Variants in NBPF19 observed in about 807,000 individuals in gnomAD.
NBPF19 encodes NBPF member 19, also known as NBPF family member NBPF19.
A neutral mutation model predicts 45.9 loss-of-function variants in NBPF19; 30 were observed. The observed-to-expected ratio is 0.65, with a 90% CI of 0.49 to 0.89. The LOEUF is 0.89. NBPF19 is among the 40% of genes least tolerant of loss of function. NBPF19 has a pLI of 0.00. For missense variants in NBPF19, 495 were observed against 471.8 expected, an observed-to-expected ratio of 1.05 and a Z score of -0.46; for synonymous variants, 183 against 181.2, an observed-to-expected ratio of 1.01 and a Z score of -0.08.
rs1461688573 is a variant in NBPF19 at position 149,478,131 on chromosome 1, C to T, written c.278+84C>T. The stretch of plus-strand genomic sequence containing the variant: ...GCAGCTCGGCGGGGAGAAATAAGAA[C>T]GAAGCTGGGCCAGGGGAAGGGCAGA... On this transcript the variant is annotated intron_variant, in intron 3 of 93. Transcript: ENST00000651566. 138 of 823,674 alleles carry T rather than the reference C, an allele frequency of 1.7e-4. 3 individuals are homozygous for T. The highest frequency in any genetic ancestry group is 2.2e-4 in the East Asian group (9 of 41,220). 51.0% of individuals were successfully genotyped at this position (823,674 alleles called of 1,614,324 possible). A position where few individuals can be genotyped will look rare whatever the true frequency, so the allele number is the denominator to read the frequency against.
chr1:149,487,809 G>T (rs1280419005), intron 9 of NBPF19, among the ~76,000 whole-genome samples: 1 of 149,486 alleles, frequency 6.7e-6, no homozygotes, highest in African/African-American at 2.5e-5. Flanking sequence ...GTGTGTGTGT[G>T]TGTGTGTGTG....
rs1435347172 is a variant in NBPF19 at position 149,554,840 on chromosome 1, G to T, written c.*102G>T. On this transcript the variant is annotated 3_prime_UTR_variant, in exon 94 of 94. Coordinates refer to ENST00000651566, the MANE Select transcript of NBPF19 (RefSeq NM_001351365.2). ...AGTTCCATTTGGAAGCCCAGACATA[G>T]GATGGGTCAGTGGGCATGGCTCTTT... The T allele has an allele frequency of 6.3e-6, 10 of 1,576,798 alleles. 1 individual carries two copies. The highest frequency in any genetic ancestry group is 6.1e-6 in the Non-Finnish European group (7 of 1,155,328).
chr1:149,484,990 T>A (rs1394313775), intron 7 of NBPF19, among the ~76,000 whole-genome samples: 5 of 131,368 alleles, frequency 3.8e-5, no homozygotes, highest in African/African-American at 1.4e-4. Flanking sequence ...TCTTCTCGCT[T>A]CATTTCACTA....
chr1:149,554,895 C>G lies in NBPF19; in HGVS notation c.*157C>G. The G allele has an allele frequency of 7.2e-7, 1 of 1,382,390 alleles. No homozygotes were observed. Among genetic ancestry groups the G allele is most frequent in the African/African-American group, 1.4e-5 (1 of 69,624 alleles). The allele number at this position is 1,382,390 out of a possible 1,614,324, so 85.6% of individuals were successfully genotyped here. ...ATTCTCAAACCATGCCAGTGGCAAC[C>G]TGTGCTCAGTCTGAAGACAATGGAC... On this transcript the variant is annotated 3_prime_UTR_variant, in exon 94 of 94. Transcript: ENST00000651566.
intron 93 of NBPF19, 109 bp from the exon 94 acceptor site, chr1:149,554,386 T>C (rs2101731699): frequency 1.3e-6 from 2 of 1,599,136 alleles, no homozygotes; most frequent in South Asian, 1.1e-5. Flanking sequence ...TTAATGGATC[T>C]ATCCTTTTTC....
rs1280878637 is a variant in NBPF19, at chr1:149,487,451, C to G, written c.1040+68C>G. The G allele has an allele frequency of 3.4e-5, 32 of 931,468 alleles. 2 individuals are homozygous for G. Among genetic ancestry groups the G allele is most frequent in the South Asian group, 7.7e-5 (6 of 77,754 alleles). 57.7% of individuals were successfully genotyped at this position (931,468 alleles called of 1,614,324 possible). A position where few individuals can be genotyped will look rare whatever the true frequency, so the allele number is the denominator to read the frequency against. ...CTGGAGATGCCAAGTCCAGGGAAAA[C>G]AGTACATGCTGAAAATAATGATTTT... On this transcript the variant is annotated intron_variant, in intron 9 of 93. Transcript: ENST00000651566.
intron 3 of NBPF19, among the ~76,000 whole-genome samples, chr1:149,478,378 T>G (rs1380099142): frequency 6.6e-6 from 1 of 151,210 alleles, no homozygotes; most frequent in East Asian, 1.9e-4. Context: ...CACTTACCCT[T>G]AGTGAGAATC....
intron 61 of NBPF19, among the ~76,000 whole-genome samples, chr1:149,528,952 T>TGC (rs2086914614): frequency 7.7e-6 from 1 of 129,056 alleles, no homozygotes; most frequent in East Asian, 2.4e-4. Context: ...TCTCTGTGTG[T>TGC]GTGTGTGTGT....
chr1:149,486,481 C>T (rs1201773203), intron 8 of NBPF19, among the ~76,000 whole-genome samples, 188 bp downstream of exon 8: 21,587 of 150,310 alleles, frequency 0.14, 2,503 homozygotes, highest in South Asian at 0.23. Flanking sequence ...GGTCAGTGAG[C>T]TTTACTCTCT....
Position 149,478,067 on chromosome 1 carries a change from G to A in NBPF19, c.278+20G>A, listed in dbSNP as rs1455304437. 29 of 1,567,978 alleles carry A rather than the reference G, an allele frequency of 1.8e-5. No homozygotes were observed. Among genetic ancestry groups the A allele is most frequent in the African/African-American group, 4.1e-5 (3 of 74,004 alleles). Reference sequence around the variant, plus strand: ...GCTCAGGTGAGGGGACCCCGTGGGGGGAGGGCAGGCGGGTAGGTGTGTAGA... The same window carrying A: ...GCTCAGGTGAGGGGACCCCGTGGGGAGAGGGCAGGCGGGTAGGTGTGTAGA... On this transcript the variant is annotated intron_variant, in intron 3 of 93. Transcript: ENST00000651566.
chr1:149,554,733 C>T lies in NBPF19; in HGVS notation c.11527C>T (p.Gln3843Ter). Reference sequence around the variant, plus strand: ...GTTCCAGATGTTAGTCATATTCCCACAATAGGCAGCCCTTACTAAGCCGAG... The same window carrying T: ...GTTCCAGATGTTAGTCATATTCCCATAATAGGCAGCCCTTACTAAGCCGAG... ...LVFQMLVIFP[Q>*] The change falls in exon 94 of 94, where the codon CAA becomes TAA. Residue 3843 changes from glutamine to a stop codon, truncating the protein, a stop_gained. Coordinates refer to ENST00000651566, the MANE Select transcript of NBPF19 (RefSeq NM_001351365.2). LOFTEE classifies it high-confidence loss of function. The T allele has an allele frequency of 1.2e-6, 2 of 1,608,166 alleles. No individual in the cohort carries two copies. Among genetic ancestry groups the T allele is most frequent in the Non-Finnish European group, 1.7e-6 (2 of 1,176,642 alleles).
rs1169082016 is a variant in NBPF19 at position 149,486,125 on chromosome 1, A to C, written c.825-5A>C. On this transcript the variant is annotated splice_region_variant and splice_polypyrimidine_tract_variant and intron_variant, in intron 7 of 93. Transcript: ENST00000651566. ...CTATCATCCCTGTCCTGCCTGGCTC[A>C]TCAGGAATCTGCAGGAGTCTGAAGA... 2.5e-6 allele frequency: 1 copy of C among 404,502 alleles called. No homozygotes were observed. The highest frequency in any genetic ancestry group is 5.5e-5 in the Admixed American group (1 of 18,324). 25.1% of individuals were successfully genotyped at this position (404,502 alleles called of 1,614,324 possible).
Position 149,487,963 on chromosome 1 carries a change from T to G in NBPF19, c.1041-50T>G. 5 of 696,668 alleles carry G rather than the reference T, an allele frequency of 7.2e-6. 1 individual carries two copies. Among genetic ancestry groups the G allele is most frequent in the South Asian group, 6.2e-5 (4 of 64,868 alleles). The allele number at this position is 696,668 out of a possible 1,614,324, so 43.2% of individuals were successfully genotyped here. The stretch of plus-strand genomic sequence containing the variant: ...GCCATGAAATCTAGCTGGGGCTGTG[T>G]GGTTTCTGATTCCCCCTGGCTTATT... On this transcript the variant is annotated intron_variant, in intron 9 of 93. Coordinates refer to ENST00000651566, the MANE Select transcript of NBPF19 (RefSeq NM_001351365.2).
At chr1:149,487,879 T>G in intron 9 of NBPF19, 134 bp from the exon 10 acceptor site, 1 of 713,672 alleles carries the variant, frequency 1.4e-6, no homozygotes, top group East Asian at 2.7e-5. Context: ...ATAAAGGCAA[T>G]AATTTGTTAC....
Position 149,554,800 on chromosome 1 carries a change from T to G in NBPF19, c.*62T>G, listed in dbSNP as rs1190130593. ...GGCAGGACCTATAGGCACGTGAAGA[T>G]TTGAATGAAACTACAGTTCCATTTG... is the stretch of plus-strand genomic sequence containing the variant. On this transcript the variant is annotated 3_prime_UTR_variant, in exon 94 of 94. Coordinates refer to ENST00000651566, the MANE Select transcript of NBPF19 (RefSeq NM_001351365.2). 4.4e-6 allele frequency: 7 copies of G among 1,604,282 alleles called. No individual in the cohort carries two copies. The African/African-American group carries it at 5.4e-5, about 12-fold the overall frequency.
At position 149,488,468 on chromosome 1, in the gene NBPF19, G is replaced by C. The variant is rs1256460894; in HGVS notation, c.1213+283G>C. Among the ~76,000 whole-genome samples, 10 of 129,934 alleles carry C rather than the reference G, an allele frequency of 7.7e-5. 1 individual carries two copies. Among genetic ancestry groups the C allele is most frequent in the Non-Finnish European group, 1.6e-4 (10 of 61,426 alleles). 85.2% of individuals were successfully genotyped at this position (129,934 alleles called of 152,430 possible). ...AGATGTGACAAATTCACACAACTCT[G>C]ATTTTGTCTCAATTTTGTAGATCTT... On this transcript the variant is annotated intron_variant, in intron 10 of 93. Transcript: ENST00000651566.
chr1:149,487,555 T>G (rs2085628477), intron 9 of NBPF19, among the ~76,000 whole-genome samples, 172 bp downstream of exon 9: 1 of 151,112 alleles, frequency 6.6e-6, no homozygotes. Flanking sequence ...GGTTTCCATT[T>G]CTTCCTACCC....
At chr1:149,514,693 CTGTG>C (rs1224656992) in intron 43 of NBPF19, among the ~76,000 whole-genome samples, 31 of 89,644 alleles carry the variant, frequency 3.5e-4, no homozygotes, top group African/African-American at 8.4e-4. Context: ...CTCTCTCTCT[CTGTG>C]TGTGTGTGTG....
chr1:149,556,243 C>G lies in NBPF19; in HGVS notation c.*1505C>G, dbSNP rs1344063472. On this transcript the variant is annotated 3_prime_UTR_variant, in exon 94 of 94. Transcript: ENST00000651566. Reference sequence around the variant, plus strand: ...TTAATTTTAATCTATACAATTAAAACCTTTTGCCTATCACTCTGGACTTTT... The same window carrying G: ...TTAATTTTAATCTATACAATTAAAAGCTTTTGCCTATCACTCTGGACTTTT... 6.8e-6 allele frequency: 1 copy of G among 147,150 alleles called. No individual in the cohort carries two copies. The highest frequency in any genetic ancestry group is 2.5e-5 in the African/African-American group (1 of 39,906). 9.1% of individuals were successfully genotyped at this position (147,150 alleles called of 1,614,324 possible). A position where few individuals can be genotyped will look rare whatever the true frequency, so the allele number is the denominator to read the frequency against.
Sources: allele counts gnomAD v4.1 joint callset (sites outside exome capture counted in the v4.1 genomes callset), GRCh38; gene constraint gnomAD v4.1.1; transcripts MANE v1.5; gene names NCBI Gene and HGNC (gene_info 2026-07-23, HGNC 2026-07-21).